TNKS: variants seen among roughly 807,000 people sequenced by gnomAD.
The protein encoded by TNKS is tankyrase.
TNKS carries 72 observed loss-of-function variants against 135.8 expected under a neutral mutation model. That is an observed-to-expected ratio of 0.53 (90% CI 0.44 to 0.64). The LOEUF (loss-of-function observed/expected upper bound fraction) is 0.64, where lower values mean the gene tolerates loss of function less well. Ranked by LOEUF, TNKS falls within the 30% of genes least tolerant of loss-of-function variation. TNKS has a pLI of 0.00. For synonymous variants in TNKS, 849 were observed against 649.3 expected (o/e 1.31, Z -4.68); for missense variants, 1,769 against 1,674.0 (o/e 1.06, Z -0.99).
chr8:9,624,815 G>T (rs933435553), intron 3 of TNKS, among the ~76,000 whole-genome samples: 4 of 152,094 alleles, frequency 2.6e-5, no homozygotes, highest in African/African-American at 9.7e-5. Flanking sequence ...CTTATAAAAA[G>T]TTACATAGTA....
chr8:9,745,743 T>C (rs1300097315), intron 17 of TNKS, among the ~76,000 whole-genome samples: 1 of 152,154 alleles, frequency 6.6e-6, no homozygotes, highest in East Asian at 1.9e-4. Flanking sequence ...CTTTGTATTA[T>C]TAGAGCAAAT....
intron 2 of TNKS, among the ~76,000 whole-genome samples, chr8:9,582,592 C>T (rs937920187): frequency 6.6e-6 from 1 of 152,224 alleles, no homozygotes; most frequent in African/African-American, 2.4e-5. Flanking sequence ...CCTGACCCCA[C>T]CAGTTTCCAG....
intron 26 of TNKS, 93 bp downstream of exon 26, chr8:9,770,355 T>C: frequency 7.8e-7 from 1 of 1,285,840 alleles, no homozygotes; most frequent in Non-Finnish European, 1.1e-6. Flanking sequence ...TTCAGTGAAA[T>C]ATCCACCACA....
chr8:9,775,457 T>TTTATATATATA (rs1808171803), intron 26 of TNKS, among the ~76,000 whole-genome samples: 1 of 65,792 alleles, frequency 1.5e-5, no homozygotes, highest in Non-Finnish European at 3.0e-5. Flanking sequence ...TTATGAATGG[T>TTTATATATATA]TCTATATATA....
chr8:9,594,382 C>T (rs1211112167), intron 2 of TNKS, among the ~76,000 whole-genome samples: 1 of 152,170 alleles, frequency 6.6e-6, no homozygotes, highest in East Asian at 1.9e-4. Context: ...AAATCAATTA[C>T]AGTTTTAAAA....
chr8:9,704,009 C>T (rs1451316155), intron 5 of TNKS, among the ~76,000 whole-genome samples: 2 of 152,158 alleles, frequency 1.3e-5, no homozygotes, highest in African/African-American at 4.8e-5. Context: ...AACTGTATTC[C>T]TCTCTTGTCT....
At chr8:9,563,668 C>G (rs1432075440) in intron 1 of TNKS, among the ~76,000 whole-genome samples, 5 of 152,252 alleles carry the variant, frequency 3.3e-5, no homozygotes, top group South Asian at 4.1e-4. Context: ...TCTGAACTCT[C>G]TCCTTTTATT....
intron 3 of TNKS, among the ~76,000 whole-genome samples, chr8:9,675,718 G>C (rs1345587356): frequency 1.3e-5 from 2 of 152,000 alleles, no homozygotes; most frequent in East Asian, 3.9e-4. Context: ...CTCTCCTTTT[G>C]CTTACATGTC....
chr8:9,714,168 G>C (rs1804476326), intron 11 of TNKS, among the ~76,000 whole-genome samples: 1 of 152,060 alleles, frequency 6.6e-6, no homozygotes. Flanking sequence ...ATACAAACTT[G>C]AGGTTTGCTG....
In TNKS at chr8:9,572,463, A is replaced by G. The variant is rs189377760; in HGVS notation, c.674-7696A>G. Among the ~76,000 whole-genome samples the G allele has an allele frequency of 1.6e-4, 24 of 152,282 alleles. No homozygotes were observed. The East Asian group carries it at 4.1e-3, about 26-fold the overall frequency. ...TAAAAGTATTGTCATTATTTCTACA[A>G]TATTTCCTCTCTTCCCATCCTCTAT... On this transcript the variant is annotated intron_variant, in intron 1 of 26. Coordinates refer to ENST00000310430, the MANE Select transcript of TNKS (RefSeq NM_003747.3).
intron 5 of TNKS, among the ~76,000 whole-genome samples, chr8:9,685,091 T>A (rs9650639): frequency 6.6e-6 from 1 of 151,868 alleles, no homozygotes; most frequent in Admixed American, 6.6e-5. Context: ...GTGTCAACTT[T>A]CTGTAAATAT....
intron 11 of TNKS, among the ~76,000 whole-genome samples, chr8:9,712,718 G>T (rs760983118): frequency 1.3e-5 from 2 of 151,206 alleles, no homozygotes; most frequent in Non-Finnish European, 2.9e-5. Flanking sequence ...GGCCAACCCC[G>T]TCTCTACAAA....
chr8:9,764,982 A>G (rs1807348297), intron 23 of TNKS, among the ~76,000 whole-genome samples, 192 bp downstream of exon 23: 1 of 152,234 alleles, frequency 6.6e-6, no homozygotes, highest in Admixed American at 6.5e-5. Flanking sequence ...CACTAAAAAT[A>G]GAGACATTCT....
chr8:9,640,014 A>G (rs967759655), intron 3 of TNKS, among the ~76,000 whole-genome samples: 5 of 152,146 alleles, frequency 3.3e-5, no homozygotes, highest in African/African-American at 4.8e-5. Flanking sequence ...CTTTTCCACT[A>G]TGTGTGAACT....
rs770545662 is a variant in TNKS at position 9,709,937 on chromosome 8, G to T, written c.1579-18G>T. Reference sequence around the variant, plus strand: ...TATGGAAGTGTATTTTATTAACTTGGTTTTGTTTACTTTATAGCACTGTGC... The same window carrying T: ...TATGGAAGTGTATTTTATTAACTTGTTTTTGTTTACTTTATAGCACTGTGC... On this transcript the variant is annotated intron_variant, in intron 9 of 26. Coordinates refer to ENST00000310430, the MANE Select transcript of TNKS (RefSeq NM_003747.3). 2.5e-6 allele frequency: 4 copies of T among 1,605,220 alleles called. No homozygotes were observed. The Admixed American group carries it at 6.7e-5, about 27-fold the overall frequency.
chr8:9,690,944 A>G (rs551808055), intron 5 of TNKS, among the ~76,000 whole-genome samples: 1 of 151,996 alleles, frequency 6.6e-6, no homozygotes, highest in African/African-American at 2.4e-5. Flanking sequence ...AACTAGTTCA[A>G]CCTCCCAATG....
chr8:9,670,883 T>C (rs1255257947), intron 3 of TNKS: 2 of 152,250 alleles, frequency 1.3e-5, no homozygotes, highest in South Asian at 2.1e-4. Context: ...AATAAATGTT[T>C]ACCATCATTT....
intron 9 of TNKS, 25 bp downstream of exon 9, chr8:9,708,517 C>G (rs1804162924): frequency 1.3e-6 from 2 of 1,551,714 alleles, no homozygotes; most frequent in South Asian, 1.3e-5. Flanking sequence ...TTAATCTATT[C>G]CCTGTGTCTA....
chr8:9,564,147 A>G (rs755746942), intron 1 of TNKS, among the ~76,000 whole-genome samples: 4 of 152,178 alleles, frequency 2.6e-5, no homozygotes, highest in Non-Finnish European at 5.9e-5. Flanking sequence ...TGCTAAGGGC[A>G]TTTTATAGAT....
Sources: gnomAD v4.1 joint callset for allele counts (sites outside exome capture counted in the v4.1 genomes callset) on GRCh38, gnomAD v4.1.1 for gene constraint, MANE v1.5 for transcripts, NCBI Gene and HGNC (gene_info 2026-07-23, HGNC 2026-07-21) for gene names.